The following LRCH3 variants were observed in gnomAD, a reference collection of about 807,000 sequenced individuals.
LRCH3 encodes leucine rich repeats and calponin homology domain containing 3, also known as DISP complex protein LRCH3.
A neutral mutation model predicts 104.5 loss-of-function variants in LRCH3; 68 were observed. The ratio of observed to expected loss-of-function variants is 0.65; its 90% CI spans 0.54 to 0.80. The LOEUF (loss-of-function observed/expected upper bound fraction) is 0.80, where lower values mean the gene tolerates loss of function less well. Among genes scored for constraint, LRCH3 ranks in the 30% least tolerant of loss-of-function variants. The pLI, the probability that LRCH3 is intolerant of heterozygous loss-of-function variation, is 0.00. For synonymous variants in LRCH3, 344 were observed against 361.3 expected (o/e 0.95, Z 0.54); for missense variants, 951 against 953.9 (o/e 1.00, Z 0.04).
chr3:197,872,377 AAAAG>A (rs1427934903), intron 19 of LRCH3, among the ~76,000 whole-genome samples: 5 of 151,530 alleles, frequency 3.3e-5, no homozygotes, highest in Non-Finnish European at 5.9e-5. Flanking sequence ...AAAAAAAAAA[AAAAG>A]GAATGATGAA....
intron 8 of LRCH3, among the ~76,000 whole-genome samples, chr3:197,833,082 T>C (rs936514778): frequency 2.6e-5 from 4 of 152,184 alleles, no homozygotes; most frequent in African/African-American, 9.7e-5. Context: ...ACCATTTCAT[T>C]TACATTTCAG....
Position 197,879,563 on chromosome 3 carries a change from G to C in LRCH3, c.2208+3788G>C, listed in dbSNP as rs547337435. Among the ~76,000 whole-genome samples the C allele has an allele frequency of 3.3e-5, 5 of 151,860 alleles. 1 individual carries two copies. Among genetic ancestry groups the C allele is most frequent in the African/African-American group, 1.2e-4 (5 of 41,282 alleles). ...CGGGAGGCTGAGGCGGGAGAATGGC[G>C]GGAACCCGGGAGGCGGAGCTTGCAG... On this transcript the variant is annotated intron_variant, in intron 20 of 20. Transcript: ENST00000425562.
At position 197,839,520 on chromosome 3, in the gene LRCH3, C is replaced by T. The variant is rs146382172; in HGVS notation, c.1328+123C>T. The T allele has an allele frequency of 7.4e-4, 404 of 543,566 alleles. 3 individuals are homozygous for T. In the East Asian group the frequency reaches 0.012, roughly 16 times the overall value. The allele number at this position is 543,566 out of a possible 1,614,324, so 33.7% of individuals were successfully genotyped here. ...TACATGGCATGTATTTAGAACTGAG[C>T]GACGGTGTGCTTTTTTGTACTCATG... On this transcript the variant is annotated intron_variant, in intron 10 of 20. Transcript: ENST00000425562.
At chr3:197,840,118 C>T (rs1737576735) in intron 10 of LRCH3, among the ~76,000 whole-genome samples, 1 of 151,990 alleles carries the variant, frequency 6.6e-6, no homozygotes, top group African/African-American at 2.4e-5. Context: ...ACACTCTTTC[C>T]ACTGTACTTG....
chr3:197,828,864 T>C (rs941896642), intron 5 of LRCH3, among the ~76,000 whole-genome samples: 10 of 151,904 alleles, frequency 6.6e-5, no homozygotes, highest in Admixed American at 1.3e-4. Flanking sequence ...CCTGCCACCA[T>C]GCCCGGCTAA....
intron 1 of LRCH3, among the ~76,000 whole-genome samples, chr3:197,812,795 C>A (rs1189032341): frequency 6.6e-6 from 1 of 152,110 alleles, no homozygotes; most frequent in African/African-American, 2.4e-5. Flanking sequence ...CTCCTGACCT[C>A]AAGTGATCCA....
At chr3:197,850,493 T>A in intron 12 of LRCH3, 1 of 1,592,042 alleles carries the variant, frequency 6.3e-7, no homozygotes, top group Non-Finnish European at 8.5e-7. Context: ...GAACAATCTG[T>A]TCCTTTTCCA....
chr3:197,806,539 AAAG>A (rs1002478252), intron 1 of LRCH3, among the ~76,000 whole-genome samples: 3 of 151,966 alleles, frequency 2.0e-5, no homozygotes, highest in African/African-American at 7.2e-5. Flanking sequence ...AAAAGTCAGA[AAAG>A]AAGGTACTGC....
chr3:197,805,301 C>A (rs1732353237), intron 1 of LRCH3, among the ~76,000 whole-genome samples: 1 of 152,156 alleles, frequency 6.6e-6, no homozygotes, highest in South Asian at 2.1e-4. Flanking sequence ...TCCAGTAAGA[C>A]ACTTTTTTCT....
chr3:197,870,271 T>C lies in LRCH3; in HGVS notation c.1985T>C (p.Leu662Pro). 6.2e-7 allele frequency: 1 copy of C among 1,612,810 alleles called. No homozygotes were observed. The highest frequency in any genetic ancestry group is 8.5e-7 in the Non-Finnish European group (1 of 1,178,866). ...GAAGAGCTGGAATTAATAGACCAAC[T>C]GCGTAAAGTATGTACATTACCTTTG... Reference protein sequence around the residue: ...REEELELIDQLRKHIEYRLKV... With the variant: ...REEELELIDQPRKHIEYRLKV... Residue 662 changes from leucine to proline, a missense_variant, in exon 18 of 21, where the codon CTG (leucine) becomes CCG (proline). Leu to Pro is a moderately conservative substitution (Grantham distance 98, BLOSUM62 -3). Coordinates refer to ENST00000425562, the MANE Select transcript of LRCH3 (RefSeq NM_001365715.1).
intron 14 of LRCH3, among the ~76,000 whole-genome samples, chr3:197,855,762 C>T (rs756789908): frequency 2.6e-5 from 4 of 152,180 alleles, no homozygotes; most frequent in East Asian, 1.9e-4. Flanking sequence ...TCCCTTCGGC[C>T]GTTTGTCAAA....
rs565931747 is a variant in LRCH3 at position 197,830,615 on chromosome 3, T to G, written c.888-155T>G. The G allele has an allele frequency of 9.8e-4, 576 of 587,790 alleles. 6 individuals are homozygous for G. The highest frequency in any genetic ancestry group is 8.6e-3 in the South Asian group (415 of 48,294). 36.4% of individuals were successfully genotyped at this position (587,790 alleles called of 1,614,324 possible). ...TGCTATTCTGTTTGCTTTGTTTCTA[T>G]TTGGAATTTTTCATATTAAAAAATT... On this transcript the variant is annotated intron_variant, in intron 6 of 20. Transcript: ENST00000425562.
intron 15 of LRCH3, among the ~76,000 whole-genome samples, chr3:197,864,885 G>T (rs9756240): frequency 6.6e-6 from 1 of 151,712 alleles, no homozygotes; most frequent in Non-Finnish European, 1.5e-5. Flanking sequence ...ACTGGGCATG[G>T]TGATGTGTCC....
chr3:197,813,905 T>C (rs1054920464), intron 1 of LRCH3, among the ~76,000 whole-genome samples: 1 of 152,202 alleles, frequency 6.6e-6, no homozygotes, highest in Non-Finnish European at 1.5e-5. Context: ...CATTAATTCA[T>C]AGGGGTTTTA....
Position 197,863,311 on chromosome 3 carries a change from G to T in LRCH3, c.1717-2112G>T, listed in dbSNP as rs577431240. Reference sequence around the variant, plus strand: ...GGAGTCTCACTCTGTTGCCCAGGCTGGAATGCAGTGGCGCCATCTCGGCTC... The same window carrying T: ...GGAGTCTCACTCTGTTGCCCAGGCTTGAATGCAGTGGCGCCATCTCGGCTC... On this transcript the variant is annotated intron_variant, in intron 15 of 20. Transcript: ENST00000425562. Among the ~76,000 whole-genome samples, 5 of 152,198 alleles carry T rather than the reference G, an allele frequency of 3.3e-5. No homozygotes were observed. In the South Asian group the frequency reaches 1.0e-3, roughly 32 times the overall value.
At chr3:197,797,168 A>G (rs149566337) in intron 1 of LRCH3, among the ~76,000 whole-genome samples, 6,974 of 151,938 alleles carry the variant, frequency 0.046, 294 homozygotes, top group African/African-American at 0.11. Context: ...TCTCTATTAA[A>G]AATATAAAAA....
intron 1 of LRCH3, among the ~76,000 whole-genome samples, chr3:197,809,801 T>A (rs1384447100): frequency 1.4e-4 from 22 of 152,192 alleles, no homozygotes. Context: ...TTTCTGGTTT[T>A]CATTTGTTAC....
chr3:197,879,463 G>T (rs574880297), intron 20 of LRCH3, among the ~76,000 whole-genome samples: 3 of 150,572 alleles, frequency 2.0e-5, no homozygotes, highest in Non-Finnish European at 4.4e-5. Context: ...TGGCTAACAT[G>T]GTGAAACCCC....
chr3:197,859,524 T>C (rs1269120869), intron 15 of LRCH3: 1 of 152,270 alleles, frequency 6.6e-6, no homozygotes, highest in African/African-American at 2.4e-5. Context: ...TAAGAGATGA[T>C]ACATTCCACC....
Sources: allele counts gnomAD v4.1 joint callset (sites outside exome capture counted in the v4.1 genomes callset), GRCh38; gene constraint gnomAD v4.1.1; transcripts MANE v1.5; gene names NCBI Gene and HGNC (gene_info 2026-07-23, HGNC 2026-07-21).